Variants in FOCAD observed in about 807,000 individuals in gnomAD.
FOCAD encodes the protein KIAA1797.
A neutral mutation model predicts 225.6 loss-of-function variants in FOCAD; 198 were observed. The ratio of observed to expected loss-of-function variants is 0.88; its 90% confidence interval spans 0.78 to 0.99. The LOEUF (loss-of-function observed/expected upper bound fraction) is 0.99. Ranked by LOEUF, FOCAD falls within the 50% of genes least tolerant of loss-of-function variation. The probability of loss-of-function intolerance (pLI) is 0.00; values close to 1 mark genes in which losing one functional copy is unlikely to be tolerated. For synonymous variants in FOCAD, 897 were observed against 755.0 expected, an observed-to-expected ratio of 1.19 and a Z score of -3.08; for missense variants, 2,713 against 2,123.6, an observed-to-expected ratio of 1.28 and a Z score of -5.46.
At chr9:20,965,335 A>G (rs1839163005) in intron 35 of FOCAD, among the ~76,000 whole-genome samples, 1 of 152,162 alleles carries the variant, frequency 6.6e-6, no homozygotes, top group South Asian at 2.1e-4. Flanking sequence ...TACTTGTTGC[A>G]AGGATTCTTT....
At chr9:20,851,742 G>C (rs574021747) in intron 15 of FOCAD, among the ~76,000 whole-genome samples, 222 of 151,868 alleles carry the variant, frequency 1.5e-3, no homozygotes, top group South Asian at 2.9e-3. Context: ...AAGAAGCATT[G>C]GTCTAATCTA....
chr9:20,835,497 C>A (rs1178796275), intron 15 of FOCAD, among the ~76,000 whole-genome samples: 2 of 152,022 alleles, frequency 1.3e-5, no homozygotes, highest in Non-Finnish European at 2.9e-5. Flanking sequence ...GATTTCTCAA[C>A]CTGTGCTCCA....
At position 20,981,690 on chromosome 9, in the gene FOCAD, A is replaced by T; in HGVS notation, c.4638+4A>T. 1.3e-6 allele frequency: 2 copies of T among 1,599,654 alleles called. No homozygotes were observed. The highest frequency in any genetic ancestry group is 1.7e-6 in the Non-Finnish European group (2 of 1,173,214). ...CCTCCTGCCAAATAAGATTCGGGTG[A>T]GGAACAAAAATATTTACATTCCTGA... On this transcript the variant is annotated splice_donor_region_variant and intron_variant, in intron 38 of 43. Transcript: ENST00000338382.
chr9:20,773,354 A>G (rs1289344583), intron 8 of FOCAD, among the ~76,000 whole-genome samples: 2 of 152,262 alleles, frequency 1.3e-5, no homozygotes, highest in Non-Finnish European at 2.9e-5. Context: ...AGAGTTTGTT[A>G]CAAATGCACA....
intron 41 of FOCAD, 121 bp from the exon 42 acceptor site, chr9:20,990,002 A>T (rs1841505335): frequency 9.0e-7 from 1 of 1,113,126 alleles, no homozygotes; most frequent in South Asian, 1.4e-5. Context: ...GTAGGGCAGG[A>T]GGGACTGGTT....
chr9:20,943,576 G>A (rs559133447), intron 28 of FOCAD, among the ~76,000 whole-genome samples: 61 of 152,268 alleles, frequency 4.0e-4, no homozygotes, highest in African/African-American at 1.4e-3. Flanking sequence ...CCATTTGCAC[G>A]TTGGGGGAAG....
chr9:20,789,850 G>A (rs1820341035), intron 11 of FOCAD, among the ~76,000 whole-genome samples: 1 of 151,776 alleles, frequency 6.6e-6, no homozygotes, highest in South Asian at 2.1e-4. Context: ...ATCTGCACAT[G>A]GTGCTATTCT....
chr9:20,740,354 C>CT lies in FOCAD; in HGVS notation c.392+15dup, dbSNP rs1827508379. Reference sequence around the variant, plus strand: ...ATATACCATTAGGTAAGCCTTTTTTCTGTTTTTTTTTTAAACAAATATGAA... The same window carrying CT: ...ATATACCATTAGGTAAGCCTTTTTTCTTGTTTTTTTTTTAAACAAATATGAA... On this transcript the variant is annotated intron_variant, in intron 5 of 43. Coordinates refer to ENST00000338382, the MANE Select transcript of FOCAD (RefSeq NM_001375567.1). 11 of 1,387,108 alleles carry CT rather than the reference C, an allele frequency of 7.9e-6. No homozygotes were observed. The South Asian group carries it at 9.2e-5, about 12-fold the overall frequency. The allele number at this position is 1,387,108 out of a possible 1,614,324, so 85.9% of individuals were successfully genotyped here. A position where few individuals can be genotyped will look rare whatever the true frequency, so the allele number is the denominator to read the frequency against.
At position 20,832,295 on chromosome 9, in the gene FOCAD, C is replaced by G. The variant is rs545416390; in HGVS notation, c.1920+9180C>G. ...CAGAGTAGCAGTTCTGTTTTACATTCTCTCCAACATGTACTTTTCTTCTGT... is the reference window on the plus strand; with the variant it reads ...CAGAGTAGCAGTTCTGTTTTACATTGTCTCCAACATGTACTTTTCTTCTGT... On this transcript the variant is annotated intron_variant, in intron 15 of 43. Transcript: ENST00000338382. Among the ~76,000 whole-genome samples the G allele has an allele frequency of 2.0e-5, 3 of 152,128 alleles. No homozygotes were observed. In the South Asian group the frequency reaches 6.2e-4, roughly 32 times the overall value.
chr9:20,863,983 G>C (rs1044048767), intron 16 of FOCAD, among the ~76,000 whole-genome samples: 2 of 151,664 alleles, frequency 1.3e-5, no homozygotes, highest in South Asian at 2.1e-4. Context: ...TTTTCCTTTG[G>C]TATCTTATAC....
intron 7 of FOCAD, among the ~76,000 whole-genome samples, chr9:20,766,948 T>G (rs568715712): frequency 6.6e-6 from 1 of 152,246 alleles, no homozygotes; most frequent in East Asian, 1.9e-4. Context: ...TAGCATTAGG[T>G]ATATCTCCCA....
chr9:20,947,172 A>C (rs1263004959), intron 30 of FOCAD, among the ~76,000 whole-genome samples: 1 of 152,226 alleles, frequency 6.6e-6, no homozygotes, highest in Non-Finnish European at 1.5e-5. Context: ...ATATGAATAC[A>C]TAGAAGTCTC....
chr9:20,770,405 C>T (rs540507044), intron 8 of FOCAD, among the ~76,000 whole-genome samples, 167 bp downstream of exon 8: 2 of 152,164 alleles, frequency 1.3e-5, no homozygotes, highest in Non-Finnish European at 2.9e-5. Flanking sequence ...AGGAAACTTA[C>T]AATCATGGTG....
At chr9:20,888,299 C>T (rs370929254) in intron 21 of FOCAD, among the ~76,000 whole-genome samples, 44 of 151,558 alleles carry the variant, frequency 2.9e-4, no homozygotes, top group African/African-American at 5.3e-4. Flanking sequence ...CCACCATGCC[C>T]GGCTAATTTT....
intron 8 of FOCAD, among the ~76,000 whole-genome samples, chr9:20,772,386 A>G (rs1818327665): frequency 6.6e-6 from 1 of 152,114 alleles, no homozygotes; most frequent in South Asian, 2.1e-4. Flanking sequence ...TAAACACGGG[A>G]CTGGGTGACA....
intron 4 of FOCAD, among the ~76,000 whole-genome samples, chr9:20,727,143 C>G (rs1206167145): frequency 6.6e-6 from 1 of 152,092 alleles, no homozygotes; most frequent in Non-Finnish European, 1.5e-5. Context: ...AGCTTATTAG[C>G]TTGTTTCTAG....
intron 2 of FOCAD, among the ~76,000 whole-genome samples, chr9:20,665,757 A>C (rs1189741815): frequency 6.6e-6 from 1 of 152,082 alleles, no homozygotes; most frequent in African/African-American, 2.4e-5. Context: ...ATGGCTGGGC[A>C]CGGTGGCTCA....
chr9:20,888,849 G>C (rs1831356881), intron 21 of FOCAD, among the ~76,000 whole-genome samples: 1 of 152,088 alleles, frequency 6.6e-6, no homozygotes, highest in African/African-American at 2.4e-5. Flanking sequence ...GCTCCTCCTT[G>C]CTTTCTGCCA....
At chr9:20,966,868 C>T (rs1015106415) in intron 35 of FOCAD, among the ~76,000 whole-genome samples, 1 of 152,024 alleles carries the variant, frequency 6.6e-6, no homozygotes, top group African/African-American at 2.4e-5. Flanking sequence ...AGAAATAAAC[C>T]TATGCACTGG....
Sources: gnomAD v4.1 joint callset for allele counts (sites outside exome capture counted in the v4.1 genomes callset) on GRCh38, gnomAD v4.1.1 for gene constraint, MANE v1.5 for transcripts, NCBI Gene and HGNC (gene_info 2026-07-23, HGNC 2026-07-21) for gene names.